The following C10orf90 variants were observed in gnomAD, a reference collection of about 807,000 sequenced individuals.
C10orf90 encodes chromosome 10 open reading frame 90.
In C10orf90, 56 loss-of-function variants were observed where a neutral mutation model predicts 62.5. The observed-to-expected ratio is 0.90, with a 90% CI of 0.72 to 1.12. The LOEUF (loss-of-function observed/expected upper bound fraction) is 1.12. C10orf90 is among the 50% of genes most tolerant of loss of function. C10orf90 has a pLI of 0.00. For synonymous variants in C10orf90, 386 were observed against 340.4 expected (o/e 1.13, Z -1.47); for missense variants, 970 against 880.4 (o/e 1.10, Z -1.29).
At chr10:126,549,544 A>G (rs1864580688) in intron 2 of C10orf90, among the ~76,000 whole-genome samples, 1 of 152,214 alleles carries the variant, frequency 6.6e-6, no homozygotes, top group South Asian at 2.1e-4. Flanking sequence ...GAAAAACAGG[A>G]TTACTCTTAC....
chr10:126,588,049 C>T (rs1844908625), intron 2 of C10orf90, among the ~76,000 whole-genome samples: 1 of 152,198 alleles, frequency 6.6e-6, no homozygotes, highest in Non-Finnish European at 1.5e-5. Flanking sequence ...TTCCAGTGGG[C>T]CAGCAGCAGC....
intron 4 of C10orf90, among the ~76,000 whole-genome samples, chr10:126,487,142 C>CAAAAAAAAAAAAAAAA (rs1158481155): frequency 1.1e-3 from 32 of 29,442 alleles, no homozygotes; most frequent in Non-Finnish European, 1.3e-3. Context: ...AAAACTCTGT[C>CAAAAAAAAAAAAAAAA]AAAAAAAAAA....
In C10orf90 at chr10:126,618,651, A is replaced by G. The variant is rs373020980; in HGVS notation, c.313+27914T>C. On this transcript the variant is annotated intron_variant, in intron 2 of 9. Coordinates refer to ENST00000488181, the MANE Select transcript of C10orf90 (RefSeq NM_001350921.2). The stretch of plus-strand genomic sequence containing the variant: ...CCTCAGTTCCTTTTACTGAAGTATG[A>G]TTCATATATAGAAAAAAAAACAAAT... Among the ~76,000 whole-genome samples the G allele has an allele frequency of 1.4e-4, 22 of 152,200 alleles. No individual in the cohort carries two copies. The South Asian group carries it at 2.1e-3, about 14-fold the overall frequency.
chr10:126,554,520 T>G (rs1864715194), intron 2 of C10orf90, among the ~76,000 whole-genome samples: 1 of 152,202 alleles, frequency 6.6e-6, no homozygotes, highest in African/African-American at 2.4e-5. Context: ...TTTGTGTAGT[T>G]TGCTGCACGT....
chr10:126,447,246 G>GT (rs1272590999), intron 7 of C10orf90, among the ~76,000 whole-genome samples: 1 of 151,030 alleles, frequency 6.6e-6, no homozygotes, highest in Non-Finnish European at 1.5e-5. Context: ...AGCTCAATGG[G>GT]TTAAAAAAAA....
At chr10:126,563,881 G>A (rs1274022218) in intron 2 of C10orf90, among the ~76,000 whole-genome samples, 3 of 152,160 alleles carry the variant, frequency 2.0e-5, no homozygotes, top group Non-Finnish European at 4.4e-5. Context: ...AGGGCCAGAT[G>A]AGTAAAGGCC....
chr10:126,501,995 C>G (rs1418240728), intron 4 of C10orf90, among the ~76,000 whole-genome samples: 1 of 148,844 alleles, frequency 6.7e-6, no homozygotes, highest in Non-Finnish European at 1.5e-5. Context: ...CACACGCATA[C>G]ACACACACCA....
intron 2 of C10orf90, among the ~76,000 whole-genome samples, chr10:126,645,589 A>T (rs1244006622): frequency 1.5e-5 from 2 of 131,848 alleles, no homozygotes; most frequent in South Asian, 2.4e-4. Flanking sequence ...GACCCTGCCT[A>T]AAAAAAAAAA....
intron 2 of C10orf90, among the ~76,000 whole-genome samples, chr10:126,525,356 C>G (rs548661911): frequency 3.3e-5 from 5 of 152,166 alleles, no homozygotes; most frequent in Non-Finnish European, 5.9e-5. Flanking sequence ...AAACAAGACA[C>G]AAAAATATTT....
intron 2 of C10orf90, among the ~76,000 whole-genome samples, chr10:126,521,977 T>C (rs1032867947): frequency 5.3e-5 from 8 of 152,282 alleles, no homozygotes; most frequent in African/African-American, 1.9e-4. Context: ...GGGCTAAAGA[T>C]AGCACCGGCA....
intron 7 of C10orf90, among the ~76,000 whole-genome samples, chr10:126,447,747 A>G (rs1050754090): frequency 3.3e-5 from 5 of 152,238 alleles, no homozygotes; most frequent in African/African-American, 1.2e-4. Context: ...TCAAGTGTAC[A>G]TAGAACATTC....
chr10:126,535,718 T>A (rs1864217480), intron 2 of C10orf90, among the ~76,000 whole-genome samples: 1 of 152,130 alleles, frequency 6.6e-6, no homozygotes, highest in Non-Finnish European at 1.5e-5. Context: ...CTTCCACAGG[T>A]GACAGCGAAG....
chr10:126,458,988 G>A, intron 7 of C10orf90, 52 bp downstream of exon 7: 3 of 1,560,994 alleles, frequency 1.9e-6, no homozygotes, highest in Non-Finnish European at 2.6e-6. Context: ...CCAGCTCCAG[G>A]AACCCCCCAT....
intron 2 of C10orf90, chr10:126,520,163 C>T (rs1026465406): frequency 2.0e-5 from 3 of 152,414 alleles, no homozygotes; most frequent in African/African-American, 7.2e-5. Context: ...CTGGTTTGCT[C>T]CTGAGACAAA....
chr10:126,648,554 CTT>C (rs2133854345), intron 1 of C10orf90, among the ~76,000 whole-genome samples: 1 of 152,328 alleles, frequency 6.6e-6, no homozygotes, highest in Non-Finnish European at 1.5e-5. Context: ...TTTTCTCTGA[CTT>C]AGCGTAGACG....
At chr10:126,549,412 T>A (rs1052576269) in intron 2 of C10orf90, among the ~76,000 whole-genome samples, 2 of 152,188 alleles carry the variant, frequency 1.3e-5, no homozygotes, top group Non-Finnish European at 2.9e-5. Flanking sequence ...TATGAAAAGA[T>A]GTCCAGCCTC....
chr10:126,444,924 G>T (rs1394517550), intron 7 of C10orf90, among the ~76,000 whole-genome samples: 1 of 152,106 alleles, frequency 6.6e-6, no homozygotes, highest in East Asian at 1.9e-4. Context: ...GTGGGGAAAG[G>T]ATGCCTTTTT....
chr10:126,461,420 G>T lies in C10orf90; in HGVS notation c.1991C>A (p.Ala664Glu). Residue 664 changes from alanine to glutamate, a missense_variant, in exon 6 of 10, where the codon GCA (alanine) becomes GAA (glutamate). Physicochemically the swap from Ala to Glu is moderately radical, Grantham distance 107 (BLOSUM62 -1). Transcript: ENST00000488181. ...CCTTACTTGCAAGGTCAAAGATCTTGCAGGCGTTTGCTGAGACTCAGAACA... is the reference window on the plus strand; with the variant it reads ...CCTTACTTGCAAGGTCAAAGATCTTTCAGGCGTTTGCTGAGACTCAGAACA... ...EDCSESQQTP[A>E]RSLTLQEALE... The T allele has an allele frequency of 6.2e-7, 1 of 1,614,066 alleles. No individual in the cohort carries two copies.
intron 2 of C10orf90, among the ~76,000 whole-genome samples, chr10:126,555,201 C>T (rs563475823): frequency 2.0e-5 from 3 of 152,070 alleles, no homozygotes; most frequent in Non-Finnish European, 4.4e-5. Context: ...TAATTCACAA[C>T]CTGACTTTGG....
Sources: gnomAD v4.1 joint callset for allele counts (sites outside exome capture counted in the v4.1 genomes callset) on GRCh38, gnomAD v4.1.1 for gene constraint, MANE v1.5 for transcripts, NCBI Gene and HGNC (gene_info 2026-07-23, HGNC 2026-07-21) for gene names.